Variants in SH3D19 observed in about 807,000 individuals in gnomAD.
SH3D19 encodes the protein SH3 domain containing 19.
In SH3D19, 58 loss-of-function variants were observed where a neutral mutation model predicts 112.1. The observed-to-expected ratio is 0.52, with a 90% CI of 0.42 to 0.64. The LOEUF is 0.64. Among genes scored for constraint, SH3D19 ranks in the 30% least tolerant of loss-of-function variants. SH3D19 has a pLI of 0.00. For synonymous variants in SH3D19, 391 were observed against 448.5 expected, an observed-to-expected ratio of 0.87 and a Z score of 1.62; for missense variants, 1,090 against 1,263.4, an observed-to-expected ratio of 0.86 and a Z score of 2.08.
intron 1 of SH3D19, among the ~76,000 whole-genome samples, chr4:151,284,958 T>C (rs1774601642): frequency 1.3e-5 from 2 of 152,204 alleles, no homozygotes; most frequent in South Asian, 4.2e-4. Context: ...CTTTCTGGTA[T>C]ATTTCCCTGC....
intron 19 of SH3D19, among the ~76,000 whole-genome samples, chr4:151,122,744 C>T (rs1748252653): frequency 6.6e-6 from 1 of 152,062 alleles, no homozygotes; most frequent in Admixed American, 6.6e-5. Context: ...TCATGTGCTT[C>T]CTGTATGCCT....
chr4:151,139,593 G>A (rs1358759470), intron 13 of SH3D19, among the ~76,000 whole-genome samples, 182 bp downstream of exon 13: 1 of 152,140 alleles, frequency 6.6e-6, no homozygotes, highest in African/African-American at 2.4e-5. Flanking sequence ...TAAGCTTTCT[G>A]GAATGGCTGG....
chr4:151,324,036 G>A (rs963751530), intron 1 of SH3D19, among the ~76,000 whole-genome samples: 1 of 152,110 alleles, frequency 6.6e-6, no homozygotes, highest in Non-Finnish European at 1.5e-5. Context: ...CAAGGTTTGG[G>A]TTTACACTGA....
rs147880843 is a variant in SH3D19, at chr4:151,230,974, C to T, written c.113-4888G>A. Among the ~76,000 whole-genome samples the T allele has an allele frequency of 2.6e-5, 4 of 152,244 alleles. No individual in the cohort carries two copies. In the East Asian group the frequency reaches 7.7e-4, roughly 29 times the overall value. ...TTCTGTAGCATACTCCCAAGCATTA[C>T]TGTTAAGTTCCAGCTTGGGAGTATA... is the stretch of plus-strand genomic sequence containing the variant. On this transcript the variant is annotated intron_variant, in intron 1 of 19. Transcript: ENST00000604030.
intron 1 of SH3D19, among the ~76,000 whole-genome samples, chr4:151,246,626 A>G (rs1277403440): frequency 6.6e-6 from 1 of 152,220 alleles, no homozygotes; most frequent in Non-Finnish European, 1.5e-5. Flanking sequence ...TTTGCCATTA[A>G]TAATTTTTAA....
chr4:151,239,150 C>T (rs976068886), intron 1 of SH3D19, among the ~76,000 whole-genome samples: 6 of 152,184 alleles, frequency 3.9e-5, no homozygotes, highest in African/African-American at 4.8e-5. Flanking sequence ...CCCTCCACCT[C>T]GACATCTATA....
intron 2 of SH3D19, among the ~76,000 whole-genome samples, chr4:151,215,039 C>T (rs901363764): frequency 2.0e-5 from 3 of 146,450 alleles, no homozygotes; most frequent in East Asian, 2.1e-4. Context: ...GACGGGGCGG[C>T]GGGGCAAAGG....
intron 12 of SH3D19, among the ~76,000 whole-genome samples, chr4:151,142,081 T>C (rs1005021994): frequency 1.3e-5 from 2 of 152,196 alleles, no homozygotes; most frequent in African/African-American, 4.8e-5. Context: ...TATAACATAA[T>C]GCAAAGGTCT....
In SH3D19 at chr4:151,254,286, A is replaced by T. The variant is rs546615028; in HGVS notation, c.113-28200T>A. Among the ~76,000 whole-genome samples the T allele has an allele frequency of 3.7e-3, 518 of 140,338 alleles. 3 individuals carry two copies. Among genetic ancestry groups the T allele is most frequent in the African/African-American group, 0.012 (491 of 39,830 alleles). 92.1% of individuals were successfully genotyped at this position (140,338 alleles called of 152,430 possible). A position where few individuals can be genotyped will look rare whatever the true frequency, so the allele number is the denominator to read the frequency against. On this transcript the variant is annotated intron_variant, in intron 1 of 19. Coordinates refer to ENST00000604030, the MANE Select transcript of SH3D19 (RefSeq NM_001378122.1). The stretch of plus-strand genomic sequence containing the variant: ...AACCAAAAGGATACCTTGAATTATT[A>T]TTTTTTTTATTTTTATTTATTTATT...
intron 3 of SH3D19, 141 bp from the exon 4 acceptor site, chr4:151,179,538 G>T: frequency 2.6e-6 from 1 of 391,682 alleles, no homozygotes. Flanking sequence ...TTAAAAAAAA[G>T]TAAATCAAAA....
intron 9 of SH3D19, among the ~76,000 whole-genome samples, chr4:151,158,618 A>T (rs1312355556): frequency 2.0e-5 from 3 of 151,786 alleles, no homozygotes; most frequent in Non-Finnish European, 4.4e-5. Context: ...TCTTTTTCTT[A>T]AACCACTTCT....
chr4:151,253,147 G>A (rs746078171), intron 1 of SH3D19, among the ~76,000 whole-genome samples: 13 of 152,166 alleles, frequency 8.5e-5, no homozygotes, highest in Non-Finnish European at 1.6e-4. Flanking sequence ...TAGCCTGCAA[G>A]AGCCTACATC....
intron 2 of SH3D19, among the ~76,000 whole-genome samples, chr4:151,211,638 T>C (rs1765992095): frequency 6.6e-6 from 1 of 150,612 alleles, no homozygotes; most frequent in South Asian, 2.1e-4. Context: ...ACCACATGAA[T>C]GATAAGAAAG....
intron 1 of SH3D19, among the ~76,000 whole-genome samples, chr4:151,312,500 C>A (rs536106568): frequency 6.6e-6 from 1 of 152,284 alleles, no homozygotes; most frequent in South Asian, 2.1e-4. Context: ...TGATGTCCTG[C>A]CAAGAGTTGA....
intron 1 of SH3D19, among the ~76,000 whole-genome samples, chr4:151,298,310 TGG>T (rs1166572392): frequency 2.0e-5 from 3 of 149,898 alleles, no homozygotes; most frequent in Non-Finnish European, 4.4e-5. Context: ...CCTGAGTAGC[TGG>T]GACTACAGGC....
At chr4:151,126,973 A>G (rs938973857) in intron 19 of SH3D19, among the ~76,000 whole-genome samples, 2 of 149,976 alleles carry the variant, frequency 1.3e-5, no homozygotes, top group East Asian at 2.0e-4. Context: ...GCAGTGGTGC[A>G]ATCTCGGCTC....
chr4:151,322,983 G>C (rs942263010), intron 1 of SH3D19, among the ~76,000 whole-genome samples: 2 of 152,138 alleles, frequency 1.3e-5, no homozygotes, highest in African/African-American at 4.8e-5. Context: ...ACATCTAGGG[G>C]AGAGAGGAGG....
chr4:151,171,429 T>C (rs949772858), intron 7 of SH3D19, among the ~76,000 whole-genome samples: 6 of 152,160 alleles, frequency 3.9e-5, no homozygotes, highest in Admixed American at 6.5e-5. Context: ...CCTATCTGAA[T>C]CTAAGACAAG....
intron 17 of SH3D19, among the ~76,000 whole-genome samples, chr4:151,130,745 G>T (rs1411617698): frequency 2.0e-5 from 3 of 152,084 alleles, no homozygotes; most frequent in Non-Finnish European, 2.9e-5. Context: ...TTCAAGACCA[G>T]CCTGGCCAAG....
Sources: gnomAD v4.1 joint callset for allele counts (sites outside exome capture counted in the v4.1 genomes callset) on GRCh38, gnomAD v4.1.1 for gene constraint, MANE v1.5 for transcripts, NCBI Gene and HGNC (gene_info 2026-07-23, HGNC 2026-07-21) for gene names.